KIF4A: variants seen among roughly 807,000 people sequenced by gnomAD.
KIF4A encodes chromosome-associated kinesin KIF4A.
Under a neutral mutation model 105.9 loss-of-function variants are expected in KIF4A, and 7 were observed. The observed-to-expected ratio is 0.07, with a 90% CI of 0.04 to 0.12. The LOEUF is 0.12. Among genes scored for constraint, KIF4A ranks in the 10% least tolerant of loss-of-function variants. KIF4A has a pLI of 1.00. For synonymous variants in KIF4A, 281 were observed against 331.3 expected (o/e 0.85, Z 1.65); for missense variants, 558 against 929.2 (o/e 0.60, Z 5.19).
At chrX:70,380,952 C>T (rs1043280887) in intron 18 of KIF4A, among the ~76,000 whole-genome samples, 3 of 110,876 alleles carry the variant, frequency 2.7e-5, no homozygotes, top group African/African-American at 9.8e-5. Context: ...AGTTCGAGAC[C>T]AGCCTGGCCA....
intron 3 of KIF4A, among the ~76,000 whole-genome samples, chrX:70,293,784 A>G (rs2085770036): frequency 8.9e-6 from 1 of 112,189 alleles, no homozygotes; most frequent in Non-Finnish European, 1.9e-5. Context: ...TAGGGCAATT[A>G]CCGTGAATGG....
rs1419942989 is a variant in KIF4A at position 70,322,321 on chromosome X, T to TTTAC, written c.779-7081_779-7080insCTTA. ...TTTTTTAATTTATTTTATTTATTTA[T>TTTAC]TTATTTTTGAGACAGAGTCTCACTC... On this transcript the variant is annotated intron_variant, in intron 7 of 30. Transcript: ENST00000374403. 5.8e-3 allele frequency among the ~76,000 whole-genome samples: 630 copies of TTTAC among 108,574 alleles called. 2 individuals are homozygous for TTTAC. The highest frequency in any genetic ancestry group is 9.4e-3 in the Non-Finnish European group (489 of 52,276). The allele number at this position is 108,574 out of a possible 115,157, so 94.3% of individuals were successfully genotyped here. A position where few individuals can be genotyped will look rare whatever the true frequency, so the allele number is the denominator to read the frequency against.
chrX:70,415,010 C>T (rs891492948), intron 28 of KIF4A, among the ~76,000 whole-genome samples: 5 of 112,016 alleles, frequency 4.5e-5, no homozygotes, highest in South Asian at 3.7e-4. Context: ...GTTTAACATC[C>T]TCTTTATAAA....
At chrX:70,299,240 T>A (rs748078381) in intron 5 of KIF4A, 38 bp downstream of exon 5, 4 of 1,120,122 alleles carry the variant, frequency 3.6e-6, no homozygotes, top group Non-Finnish European at 4.8e-6. Context: ...TAAAAAAATT[T>A]GGCAATTATA....
chrX:70,330,577 G>A lies in KIF4A; in HGVS notation c.1071+245G>A, dbSNP rs1452604666. Among the ~76,000 whole-genome samples, 4 of 111,471 alleles carry A rather than the reference G, an allele frequency of 3.6e-5. No homozygotes were observed. In the Admixed American group the frequency reaches 3.8e-4, roughly 11 times the overall value. On this transcript the variant is annotated intron_variant, in intron 9 of 30. Coordinates refer to ENST00000374403, the MANE Select transcript of KIF4A (RefSeq NM_012310.5). ...GAGATGAGATGAGAGGTGTAGACAGGGGCTAAATTCTGAAGTTCCTTATAT... is the reference window on the plus strand; with the variant it reads ...GAGATGAGATGAGAGGTGTAGACAGAGGCTAAATTCTGAAGTTCCTTATAT...
At chrX:70,372,319 C>T (rs1383985348) in intron 15 of KIF4A, among the ~76,000 whole-genome samples, 2 of 88,259 alleles carry the variant, frequency 2.3e-5, no homozygotes, top group African/African-American at 4.2e-5. Flanking sequence ...TGTAGCGAGC[C>T]GAGATCACGC....
intron 15 of KIF4A, among the ~76,000 whole-genome samples, chrX:70,359,672 C>T (rs1162505500): frequency 9.0e-6 from 1 of 110,601 alleles, no homozygotes; most frequent in East Asian, 2.8e-4. Flanking sequence ...ACATTCCAGG[C>T]AGGAAGAAGG....
rs181965066 is a variant in KIF4A, at chrX:70,392,891, C to T, written c.2233-2780C>T. Among the ~76,000 whole-genome samples the T allele has an allele frequency of 5.9e-3, 628 of 106,263 alleles. 26 individuals are homozygous for T. In the East Asian group the frequency reaches 0.093, roughly 16 times the overall value. The allele number at this position is 106,263 out of a possible 115,157, so 92.3% of individuals were successfully genotyped here. A position where few individuals can be genotyped will look rare whatever the true frequency, so the allele number is the denominator to read the frequency against. On this transcript the variant is annotated intron_variant, in intron 20 of 30. Transcript: ENST00000374403. ...TTATTATTATTTTGAGACGGAGTCT[C>T]GCTCTGTCACCCAGGCTGGAGTGCA...
Position 70,375,148 on chromosome X carries a change from T to C in KIF4A, c.1779-56T>C, listed in dbSNP as rs1015090579. ...AACTCTGGGAGTCTAGTATTATGTCTTTTGAAGTCAGGCTTTGCTGCTGGT... is the reference window on the plus strand; with the variant it reads ...AACTCTGGGAGTCTAGTATTATGTCCTTTGAAGTCAGGCTTTGCTGCTGGT... On this transcript the variant is annotated intron_variant, in intron 16 of 30. Transcript: ENST00000374403. 32 of 1,182,748 alleles carry C rather than the reference T, an allele frequency of 2.7e-5. No individual in the cohort carries two copies. The Admixed American group carries it at 7.1e-4, about 26-fold the overall frequency.
chrX:70,362,967 G>A (rs1282932676), intron 15 of KIF4A, among the ~76,000 whole-genome samples: 2 of 111,277 alleles, frequency 1.8e-5, no homozygotes, highest in Non-Finnish European at 3.8e-5. Flanking sequence ...CTCTCGCCCA[G>A]GCTGGAGTGC....
chrX:70,305,178 ATATAAT>A (rs2085821987), intron 7 of KIF4A, among the ~76,000 whole-genome samples: 1 of 111,495 alleles, frequency 9.0e-6, no homozygotes, highest in Non-Finnish European at 1.9e-5. Context: ...AGAATAAAAG[ATATAAT>A]TATATAATTA....
At chrX:70,362,160 T>C (rs940774216) in intron 15 of KIF4A, 7 of 232,892 alleles carry the variant, frequency 3.0e-5, no homozygotes, top group Non-Finnish European at 4.8e-5. Flanking sequence ...TAGTGACTTA[T>C]GAGGCAAGAC....
intron 23 of KIF4A, among the ~76,000 whole-genome samples, chrX:70,403,206 A>AT (rs752962582): frequency 8.9e-6 from 1 of 112,336 alleles, no homozygotes; most frequent in Non-Finnish European, 1.9e-5. Context: ...TGATTGAAGC[A>AT]TTTTCACTCA....
At chrX:70,383,556 AC>A (rs1241056357) in intron 18 of KIF4A, among the ~76,000 whole-genome samples, 1 of 112,075 alleles carries the variant, frequency 8.9e-6, no homozygotes, top group Admixed American at 9.5e-5. Context: ...AGATACGAAA[AC>A]ATGTCATATA....
At chrX:70,290,656 T>C (rs2085755665) in intron 2 of KIF4A, 35 bp from the exon 3 acceptor site, 1 of 1,204,951 alleles carries the variant, frequency 8.3e-7, no homozygotes, top group Non-Finnish European at 1.1e-6. Flanking sequence ...TGCCTTTCAT[T>C]TTTAACCTTA....
chrX:70,337,390 G>A (rs1354237924), intron 10 of KIF4A, among the ~76,000 whole-genome samples: 2 of 111,670 alleles, frequency 1.8e-5, no homozygotes, highest in Non-Finnish European at 3.8e-5. Context: ...AAAAACATGG[G>A]CCAGGCGTGG....
intron 29 of KIF4A, among the ~76,000 whole-genome samples, chrX:70,419,432 T>C (rs972510941): frequency 6.2e-5 from 7 of 112,183 alleles, no homozygotes; most frequent in African/African-American, 2.3e-4. Flanking sequence ...AGATGTCCCA[T>C]GCAACTACCT....
intron 8 of KIF4A, 128 bp downstream of exon 8, chrX:70,329,649 CGA>C (rs1455165014): frequency 1.8e-5 from 9 of 487,865 alleles, no homozygotes; most frequent in Non-Finnish European, 2.7e-5. Flanking sequence ...TTGATAAATA[CGA>C]GAGAGTGCTG....
intron 15 of KIF4A, among the ~76,000 whole-genome samples, chrX:70,366,112 C>T (rs186335133): frequency 4.8e-4 from 53 of 111,209 alleles, no homozygotes; most frequent in African/African-American, 1.4e-3. Flanking sequence ...TTTTTTATTG[C>T]GTCCAGTCTA....
Sources: allele counts gnomAD v4.1 joint callset (sites outside exome capture counted in the v4.1 genomes callset), GRCh38; gene constraint gnomAD v4.1.1; transcripts MANE v1.5; gene names NCBI Gene and HGNC (gene_info 2026-07-23, HGNC 2026-07-21).